TTLL5: variants seen among roughly 807,000 people sequenced by gnomAD.
TTLL5 encodes tubulin polyglutamylase TTLL5.
In TTLL5, 132 loss-of-function variants were observed where a neutral mutation model predicts 168.4. The ratio of observed to expected loss-of-function variants is 0.78; its 90% CI spans 0.68 to 0.91. The LOEUF (loss-of-function observed/expected upper bound fraction) is 0.91. TTLL5 is among the 40% of genes least tolerant of loss of function. The pLI is 0.00. For missense variants in TTLL5, 1,545 were observed against 1,581.5 expected (o/e 0.98, Z 0.39); for synonymous variants, 546 against 558.6 (o/e 0.98, Z 0.32).
chr14:75,938,495 C>G (rs2034498460), intron 31 of TTLL5, among the ~76,000 whole-genome samples: 1 of 152,110 alleles, frequency 6.6e-6, no homozygotes, highest in Admixed American at 6.6e-5. Context: ...ATGTAAATTG[C>G]CTGTGAATAA....
intron 27 of TTLL5, among the ~76,000 whole-genome samples, chr14:75,810,244 T>A (rs1893912533): frequency 6.6e-6 from 1 of 152,184 alleles, no homozygotes; most frequent in South Asian, 2.1e-4. Flanking sequence ...CCTGCTACAA[T>A]GAGGAAATTG....
chr14:75,944,153 G>T (rs575991377), intron 31 of TTLL5, among the ~76,000 whole-genome samples: 1 of 152,144 alleles, frequency 6.6e-6, no homozygotes, highest in Non-Finnish European at 1.5e-5. Context: ...TTTCTTCTGA[G>T]GAGGCAATAA....
chr14:75,869,751 G>A (rs1271895414), intron 29 of TTLL5, among the ~76,000 whole-genome samples: 2 of 150,320 alleles, frequency 1.3e-5, no homozygotes, highest in Non-Finnish European at 2.9e-5. Flanking sequence ...TGCTAATAAG[G>A]CATTCAATAA....
chr14:75,708,487 G>A (rs1204714573), intron 9 of TTLL5, among the ~76,000 whole-genome samples: 1 of 151,914 alleles, frequency 6.6e-6, no homozygotes, highest in East Asian at 1.9e-4. Flanking sequence ...CACCATGCCT[G>A]GCTAATGTTT....
At chr14:75,739,612 G>A (rs1034152827) in intron 15 of TTLL5, among the ~76,000 whole-genome samples, 2 of 152,148 alleles carry the variant, frequency 1.3e-5, no homozygotes, top group East Asian at 3.9e-4. Flanking sequence ...ACTGTGGAAA[G>A]AATATGGACT....
intron 3 of TTLL5, among the ~76,000 whole-genome samples, chr14:75,671,725 A>G (rs1270109447): frequency 1.3e-5 from 2 of 152,154 alleles, no homozygotes; most frequent in African/African-American, 2.4e-5. Flanking sequence ...TGAGTTCTGT[A>G]TATTGATCTT....
rs150679749 is a variant in TTLL5 at position 75,922,738 on chromosome 14, C to T, written c.3823+20514C>T. Among the ~76,000 whole-genome samples, 21 of 152,228 alleles carry T rather than the reference C, an allele frequency of 1.4e-4. No homozygotes were observed. In the East Asian group the frequency reaches 2.5e-3, roughly 18 times the overall value. On this transcript the variant is annotated intron_variant, in intron 31 of 31. Transcript: ENST00000298832. ...GGCTTTGGTATCAGGATGATGCTGG[C>T]GTCATAAAATGAGTTAGGGAGGTTT...
intron 18 of TTLL5, 150 bp from the exon 19 acceptor site, chr14:75,764,465 C>T (rs1392495710): frequency 4.7e-6 from 4 of 857,418 alleles, no homozygotes; most frequent in South Asian, 3.6e-5. Flanking sequence ...AACGTAGATT[C>T]TAGTGTTCCT....
rs1221624029 is a variant in TTLL5, at chr14:75,783,327, T to C, written c.2783T>C (p.Met928Thr). ...CAAATTCCTTCAGCTATCCCCAGCA[T>C]GCCTCACCAGCCAACAATTTTACTG... ...LSQIPSAIPS[M>T]PHQPTILLNT... is the part of the protein sequence containing the mutation. Residue 928 changes from methionine (M) to threonine (T), a missense_variant, in exon 26 of 32, where the codon ATG becomes ACG. By Grantham distance (81) the Met-to-Thr change is moderately conservative. Transcript: ENST00000298832. 1 of 1,614,178 alleles carries C rather than the reference T, an allele frequency of 6.2e-7. No homozygotes were observed. Among genetic ancestry groups the C allele is most frequent in the South Asian group, 1.1e-5 (1 of 91,076 alleles).
chr14:75,682,816 G>T (rs1884726322), intron 4 of TTLL5, among the ~76,000 whole-genome samples: 1 of 151,436 alleles, frequency 6.6e-6, no homozygotes, highest in Non-Finnish European at 1.5e-5. Context: ...ACCCAGGCAG[G>T]AGAACAGTGG....
chr14:75,866,245 T>G (rs1021439751), intron 29 of TTLL5, among the ~76,000 whole-genome samples: 1 of 152,218 alleles, frequency 6.6e-6, no homozygotes, highest in Middle Eastern at 3.2e-3. Flanking sequence ...GATCTGACCA[T>G]TATAATTATC....
intron 6 of TTLL5, among the ~76,000 whole-genome samples, chr14:75,698,691 C>T (rs1265592749): frequency 6.6e-6 from 1 of 151,980 alleles, no homozygotes; most frequent in African/African-American, 2.4e-5. Flanking sequence ...TTGCTTGAGG[C>T]CAGGAGTTGA....
At chr14:75,914,158 T>G (rs1326853634) in intron 31 of TTLL5, among the ~76,000 whole-genome samples, 1 of 150,490 alleles carries the variant, frequency 6.6e-6, no homozygotes, top group Admixed American at 6.6e-5. Flanking sequence ...ATCTTGTCGT[T>G]TAAAAAATTC....
intron 27 of TTLL5, among the ~76,000 whole-genome samples, chr14:75,798,173 G>C (rs927416501): frequency 6.6e-6 from 1 of 151,902 alleles, no homozygotes; most frequent in African/African-American, 2.4e-5. Context: ...TAATCTAGAA[G>C]GGTTGTATAT....
intron 2 of TTLL5, among the ~76,000 whole-genome samples, chr14:75,664,117 T>C (rs1030791360): frequency 6.6e-6 from 1 of 151,866 alleles, no homozygotes; most frequent in Admixed American, 6.6e-5. Context: ...ATGATAAATA[T>C]AGCTACTACA....
chr14:75,690,141 A>G, intron 5 of TTLL5, 51 bp from the exon 6 acceptor site: 1 of 1,607,954 alleles, frequency 6.2e-7, no homozygotes, highest in East Asian at 2.2e-5. Context: ...ATAACACAGG[A>G]AAATTCTGAG....
intron 31 of TTLL5, among the ~76,000 whole-genome samples, chr14:75,925,755 GGC>G (rs1391090209): frequency 6.6e-6 from 1 of 152,122 alleles, no homozygotes; most frequent in East Asian, 1.9e-4. Context: ...CTCCAGCCTG[GGC>G]ACCATTGAGC....
chr14:75,666,546 T>C (rs991604292), intron 2 of TTLL5, among the ~76,000 whole-genome samples: 12 of 152,232 alleles, frequency 7.9e-5, no homozygotes, highest in African/African-American at 2.9e-4. Flanking sequence ...AAAAGATTAT[T>C]AACAATCAAT....
At chr14:75,911,787 A>G (rs2033397284) in intron 31 of TTLL5, among the ~76,000 whole-genome samples, 1 of 152,250 alleles carries the variant, frequency 6.6e-6, no homozygotes, top group African/African-American at 2.4e-5. Flanking sequence ...ACAACTCAGA[A>G]AAATGACCGC....
Sources: allele counts gnomAD v4.1 joint callset (sites outside exome capture counted in the v4.1 genomes callset), GRCh38; gene constraint gnomAD v4.1.1; transcripts MANE v1.5; gene names NCBI Gene and HGNC (gene_info 2026-07-23, HGNC 2026-07-21).